CHL1: variants seen among roughly 807,000 people sequenced by gnomAD.
CHL1 encodes the protein neural cell adhesion molecule L1-like protein.
Under a neutral mutation model 141.9 loss-of-function variants are expected in CHL1, and 96 were observed. The observed-to-expected ratio is 0.68, with a 90% confidence interval of 0.57 to 0.80. The LOEUF (loss-of-function observed/expected upper bound fraction) is 0.80, where lower values mean the gene tolerates loss of function less well. CHL1 is among the 30% of genes least tolerant of loss of function. CHL1 has a pLI of 0.00. For missense variants in CHL1, 1,820 were observed against 1,457.2 expected (o/e 1.25, Z -4.05); for synonymous variants, 613 against 502.2 (o/e 1.22, Z -2.95).
rs995669658 is a variant in CHL1 at position 208,290 on chromosome 3, T to C, written c.-175+11227T>C. On this transcript the variant is annotated intron_variant, in intron 1 of 27. Coordinates refer to ENST00000256509, the MANE Select transcript of CHL1 (RefSeq NM_006614.4). ...CAGTGTAATTTTGGACAGCAGGCCT[T>C]AAAAACCCATTACTGTATTTAACAG... 2.3e-4 allele frequency among the ~76,000 whole-genome samples: 35 copies of C among 152,050 alleles called. 1 individual carries two copies. The highest frequency in any genetic ancestry group is 3.4e-3 in the Middle Eastern group (1 of 294).
chr3:387,420 A>G (rs1188074078), intron 19 of CHL1, among the ~76,000 whole-genome samples: 14 of 152,232 alleles, frequency 9.2e-5, no homozygotes, highest in Non-Finnish European at 1.5e-5. Context: ...TCTGAGGCTC[A>G]GTAGGCATTG....
chr3:222,546 A>G (rs1032467880), intron 1 of CHL1, among the ~76,000 whole-genome samples: 1 of 152,200 alleles, frequency 6.6e-6, no homozygotes, highest in Non-Finnish European at 1.5e-5. Context: ...CCTTTGACGG[A>G]CATTACATGA....
intron 20 of CHL1, among the ~76,000 whole-genome samples, 195 bp from the exon 21 acceptor site, chr3:390,506 C>G (rs981241037): frequency 3.3e-5 from 5 of 152,204 alleles, no homozygotes; most frequent in African/African-American, 9.7e-5. Flanking sequence ...CAGTGTGATA[C>G]AGTCTGTCCT....
At chr3:311,913 C>T (rs1214276792) in intron 2 of CHL1, among the ~76,000 whole-genome samples, 2 of 152,022 alleles carry the variant, frequency 1.3e-5, no homozygotes, top group Non-Finnish European at 2.9e-5. Flanking sequence ...ATTCTCCATC[C>T]CTGTAGTCAA....
At chr3:203,644 A>T (rs996371911) in intron 1 of CHL1, among the ~76,000 whole-genome samples, 1 of 152,176 alleles carries the variant, frequency 6.6e-6, no homozygotes. Flanking sequence ...AAGTTCCTGG[A>T]AGGAGGTGGG....
At chr3:272,471 G>A (rs750145933) in intron 2 of CHL1, among the ~76,000 whole-genome samples, 1 of 152,120 alleles carries the variant, frequency 6.6e-6, no homozygotes, top group Non-Finnish European at 1.5e-5. Context: ...AAGAGACTAT[G>A]TTTTCGTTCT....
chr3:224,290 G>A (rs1164958969), intron 1 of CHL1, among the ~76,000 whole-genome samples: 1 of 152,184 alleles, frequency 6.6e-6, no homozygotes, highest in Admixed American at 6.5e-5. Flanking sequence ...GAATGACCAA[G>A]GACAGCTTGG....
At chr3:266,543 C>G (rs534911318) in intron 2 of CHL1, among the ~76,000 whole-genome samples, 1 of 152,156 alleles carries the variant, frequency 6.6e-6, no homozygotes, top group Non-Finnish European at 1.5e-5. Context: ...TGCTCTTTCT[C>G]TTCTGTGAAA....
In CHL1 at chr3:363,348, G is replaced by C; in HGVS notation, c.1550G>C (p.Gly517Ala). 6.2e-7 allele frequency: 1 copy of C among 1,611,466 alleles called. No homozygotes were observed. The highest frequency in any genetic ancestry group is 8.5e-7 in the Non-Finnish European group (1 of 1,179,188). ...TCATGTTGGGTAGAAAATGCTATAGGAAAAACTGCAGTCACAGCCAATTTG... is the reference window on the plus strand; with the variant it reads ...TCATGTTGGGTAGAAAATGCTATAGCAAAAACTGCAGTCACAGCCAATTTG... ...SYSCWVENAI[G>A]KTAVTANLDI... Residue 517 changes from glycine to alanine, a missense_variant, in exon 14 of 28, where the codon GGA becomes GCA. Gly to Ala is a moderately conservative substitution (Grantham distance 60, BLOSUM62 0). Transcript: ENST00000256509.
intron 11 of CHL1, among the ~76,000 whole-genome samples, chr3:355,228 G>A (rs989443117): frequency 2.0e-5 from 3 of 152,068 alleles, no homozygotes; most frequent in African/African-American, 7.2e-5. Flanking sequence ...CTCTGGTCCC[G>A]CTTGTCTCCA....
At chr3:382,356 C>G in intron 17 of CHL1, 76 bp downstream of exon 17, 1 of 1,470,706 alleles carries the variant, frequency 6.8e-7, no homozygotes, top group South Asian at 1.2e-5. Context: ...TTTAACCACT[C>G]TTACTGGTTT....
chr3:350,709 C>G lies in CHL1; in HGVS notation c.1033+1166C>G, dbSNP rs139812454. ...TTGGAATAACACTGCATTTCCAAGC[C>G]TTCTCCATAATGCATATTATTATTT... On this transcript the variant is annotated intron_variant, in intron 10 of 27. Coordinates refer to ENST00000256509, the MANE Select transcript of CHL1 (RefSeq NM_006614.4). Among the ~76,000 whole-genome samples the G allele has an allele frequency of 5.3e-3, 801 of 152,182 alleles. 3 individuals are homozygous for G. Among genetic ancestry groups the G allele is most frequent in the African/African-American group, 0.019 (770 of 41,556 alleles).
intron 11 of CHL1, among the ~76,000 whole-genome samples, 193 bp downstream of exon 11, chr3:354,964 A>G (rs1703587828): frequency 6.6e-6 from 1 of 152,218 alleles, no homozygotes; most frequent in Non-Finnish European, 1.5e-5. Flanking sequence ...AGCCATAAAT[A>G]ATATTTATAC....
chr3:238,262 CA>C (rs1162492827), intron 1 of CHL1, among the ~76,000 whole-genome samples: 1 of 151,718 alleles, frequency 6.6e-6, no homozygotes, highest in African/African-American at 2.4e-5. Context: ...AGCTGATGAC[CA>C]AAAAAGAGGT....
chr3:342,203 C>G, intron 7 of CHL1, 121 bp downstream of exon 7: 1 of 739,768 alleles, frequency 1.4e-6, no homozygotes, highest in South Asian at 2.5e-5. Flanking sequence ...CAGTTCAACT[C>G]TGGAGACTTC....
At chr3:378,167 A>C (rs1470388937) in intron 16 of CHL1, among the ~76,000 whole-genome samples, 1 of 152,192 alleles carries the variant, frequency 6.6e-6, no homozygotes, top group Admixed American at 6.5e-5. Context: ...TAATTTGCCA[A>C]TAGCAGTGGG....
chr3:352,353 T>C (rs1703342646), intron 10 of CHL1, among the ~76,000 whole-genome samples: 2 of 152,160 alleles, frequency 1.3e-5, no homozygotes, highest in South Asian at 4.1e-4. Flanking sequence ...AGGTACCAAG[T>C]TTGTTTTATT....
chr3:358,824 A>C (rs959263556), intron 11 of CHL1, among the ~76,000 whole-genome samples: 3 of 152,020 alleles, frequency 2.0e-5, no homozygotes, highest in African/African-American at 7.2e-5. Context: ...ATCTCGTATA[A>C]TGGAGAGACA....
chr3:325,692 C>T (rs1700949643), intron 3 of CHL1, among the ~76,000 whole-genome samples: 1 of 151,870 alleles, frequency 6.6e-6, no homozygotes, highest in Non-Finnish European at 1.5e-5. Context: ...GATGACATAG[C>T]AACTTTTCTT....
Sources: gnomAD v4.1 joint callset for allele counts (sites outside exome capture counted in the v4.1 genomes callset) on GRCh38, gnomAD v4.1.1 for gene constraint, MANE v1.5 for transcripts, NCBI Gene and HGNC (gene_info 2026-07-23, HGNC 2026-07-21) for gene names.